TMEM132D: variants seen among roughly 807,000 people sequenced by gnomAD.
The protein encoded by TMEM132D is transmembrane protein 132D, also known as mature OL transmembrane protein.
A neutral mutation model predicts 62.3 loss-of-function variants in TMEM132D; 21 were observed. The ratio of observed to expected loss-of-function variants is 0.34; its 90% confidence interval spans 0.24 to 0.49. The LOEUF is 0.49. TMEM132D is among the 20% of genes least tolerant of loss of function. TMEM132D has a pLI of 0.99. For synonymous variants in TMEM132D, 621 were observed against 575.6 expected (o/e 1.08, Z -1.13); for missense variants, 1,346 against 1,402.8 (o/e 0.96, Z 0.65).
intron 1 of TMEM132D, among the ~76,000 whole-genome samples, chr12:129,849,934 T>C (rs1873487924): frequency 6.6e-6 from 1 of 152,226 alleles, no homozygotes; most frequent in African/African-American, 2.4e-5. Context: ...TCAGCCTGCC[T>C]GTCTTGTCAA....
intron 2 of TMEM132D, among the ~76,000 whole-genome samples, chr12:129,695,403 T>G (rs1274372820): frequency 1.3e-5 from 2 of 152,226 alleles, no homozygotes; most frequent in Non-Finnish European, 1.5e-5. Flanking sequence ...GTTCACAAGT[T>G]TTTTGTTAAG....
rs78741970 is a variant in TMEM132D, at chr12:129,517,064, T to A, written c.1115+13995A>T. Among the ~76,000 whole-genome samples, 538 of 152,228 alleles carry A rather than the reference T, an allele frequency of 3.5e-3. 6 individuals are homozygous for A. Among genetic ancestry groups the A allele is most frequent in the African/African-American group, 0.012 (497 of 41,540 alleles). ...TCTCATCTGGAGGTTCTCAACTTAA[T>A]CACATCTTCAAAGACTCTGTTGCCA... On this transcript the variant is annotated intron_variant, in intron 3 of 8. Transcript: ENST00000422113.
chr12:129,449,674 C>A (rs574628532), intron 3 of TMEM132D, among the ~76,000 whole-genome samples: 2 of 152,250 alleles, frequency 1.3e-5, no homozygotes, highest in South Asian at 2.1e-4. Flanking sequence ...CATTTTCCAG[C>A]GTCTCATTGT....
At chr12:129,678,279 G>T (rs774200220) in intron 2 of TMEM132D, among the ~76,000 whole-genome samples, 47 of 152,030 alleles carry the variant, frequency 3.1e-4, no homozygotes, top group Non-Finnish European at 5.4e-4. Flanking sequence ...TAATATTATG[G>T]TTTCCTTTTT....
chr12:129,333,482 T>G (rs1319713903), intron 4 of TMEM132D, among the ~76,000 whole-genome samples: 1 of 152,222 alleles, frequency 6.6e-6, no homozygotes, highest in African/African-American at 2.4e-5. Flanking sequence ...ACTTTTTGTT[T>G]GGGACTAAAG....
chr12:129,708,610 T>TAAAAA (rs147351316), intron 1 of TMEM132D, among the ~76,000 whole-genome samples: 2 of 33,122 alleles, frequency 6.0e-5, no homozygotes, highest in African/African-American at 1.3e-4. Context: ...GAGGCTCAGG[T>TAAAAA]AAAAAAAAAA....
chr12:129,144,239 T>C (rs1876827023), intron 5 of TMEM132D, among the ~76,000 whole-genome samples: 1 of 152,166 alleles, frequency 6.6e-6, no homozygotes, highest in African/African-American at 2.4e-5. Context: ...CAAGGAATTA[T>C]GTGCTTGTCA....
intron 2 of TMEM132D, among the ~76,000 whole-genome samples, chr12:129,539,701 C>G: frequency 6.6e-6 from 1 of 151,992 alleles, no homozygotes; most frequent in Non-Finnish European, 1.5e-5. Context: ...CGTGAGCTAC[C>G]ACGCCCAGCC....
chr12:129,763,528 T>C (rs1164940856), intron 1 of TMEM132D, among the ~76,000 whole-genome samples: 2 of 151,556 alleles, frequency 1.3e-5, no homozygotes, highest in Admixed American at 6.6e-5. Flanking sequence ...AAGGCCTACC[T>C]GTCCGCATAC....
chr12:129,531,271 G>T, intron 2 of TMEM132D, 66 bp from the exon 3 acceptor site: 1 of 1,504,620 alleles, frequency 6.6e-7, no homozygotes. Flanking sequence ...GCTGGTTCTG[G>T]GAACACGGGG....
intron 2 of TMEM132D, among the ~76,000 whole-genome samples, chr12:129,664,421 A>ATTT (rs34308998): frequency 0.43 from 49,085 of 113,892 alleles, 10,558 homozygotes; most frequent in Middle Eastern, 0.52. Flanking sequence ...AATTACAAGA[A>ATTT]TTTTTTTTTT....
intron 2 of TMEM132D, among the ~76,000 whole-genome samples, chr12:129,639,382 T>TAAA (rs34476667): frequency 2.4e-4 from 22 of 90,500 alleles, no homozygotes; most frequent in African/African-American, 3.8e-4. Context: ...GACTCTGTCT[T>TAAA]AAAAAAAAAA....
At chr12:129,610,828 T>C (rs1474242522) in intron 2 of TMEM132D, among the ~76,000 whole-genome samples, 2 of 152,164 alleles carry the variant, frequency 1.3e-5, no homozygotes, top group Non-Finnish European at 2.9e-5. Flanking sequence ...GTAAACAGCA[T>C]ATAATCGCAG....
intron 5 of TMEM132D, among the ~76,000 whole-genome samples, chr12:129,113,895 G>A (rs745696441): frequency 7.2e-5 from 11 of 152,084 alleles, no homozygotes; most frequent in Non-Finnish European, 1.5e-4. Flanking sequence ...GTTTCCAGCA[G>A]GTAGATGAGA....
intron 3 of TMEM132D, among the ~76,000 whole-genome samples, chr12:129,447,216 A>T (rs545243853): frequency 4.6e-5 from 7 of 152,058 alleles, no homozygotes; most frequent in Non-Finnish European, 7.4e-5. Context: ...ACTTTATCCA[A>T]TTTTTTTTAC....
intron 5 of TMEM132D, among the ~76,000 whole-genome samples, chr12:129,091,100 G>A (rs889346963): frequency 2.0e-5 from 3 of 152,196 alleles, no homozygotes; most frequent in Non-Finnish European, 4.4e-5. Context: ...ATTGTCTAAT[G>A]AACACAACTG....
chr12:129,235,400 G>GTT (rs55691625), intron 4 of TMEM132D, among the ~76,000 whole-genome samples: 109 of 148,488 alleles, frequency 7.3e-4, no homozygotes, highest in African/African-American at 2.6e-3. Context: ...CCCCTAATGG[G>GTT]TTTTTTTTTT....
At chr12:129,281,418 CTTT>C (rs71433359) in intron 4 of TMEM132D, among the ~76,000 whole-genome samples, 34 of 106,868 alleles carry the variant, frequency 3.2e-4, no homozygotes, top group East Asian at 1.2e-3. Context: ...TAAATAAATT[CTTT>C]TTTTTTTAAA....
chr12:129,453,389 C>T (rs992542311), intron 3 of TMEM132D, among the ~76,000 whole-genome samples: 3 of 152,188 alleles, frequency 2.0e-5, no homozygotes, highest in Admixed American at 2.0e-4. Flanking sequence ...TTTCTAAATC[C>T]AAACTGCATT....
Sources: gnomAD v4.1 joint callset for allele counts (sites outside exome capture counted in the v4.1 genomes callset) on GRCh38, gnomAD v4.1.1 for gene constraint, MANE v1.5 for transcripts, NCBI Gene and HGNC (gene_info 2026-07-23, HGNC 2026-07-21) for gene names.